SLC12A2: variants seen among roughly 807,000 people sequenced by gnomAD.
SLC12A2 encodes the protein Na-K-2Cl cotransporter 1.
Under a neutral mutation model 136.3 loss-of-function variants are expected in SLC12A2, and 67 were observed. That is an observed-to-expected ratio of 0.49 (90% CI 0.40 to 0.60). The LOEUF is 0.60. Ranked by LOEUF, SLC12A2 falls within the 20% of genes least tolerant of loss-of-function variation. The pLI is 0.00. For synonymous variants in SLC12A2, 619 were observed against 562.9 expected (o/e 1.10, Z -1.41); for missense variants, 1,322 against 1,534.7 (o/e 0.86, Z 2.32).
chr5:128,089,374 G>A (rs146426275), intron 1 of SLC12A2, among the ~76,000 whole-genome samples: 80 of 152,126 alleles, frequency 5.3e-4, no homozygotes, highest in African/African-American at 1.7e-3. Flanking sequence ...GCTTCAGCAT[G>A]GGCAAAACAG....
chr5:128,153,082 G>A (rs1477072276), intron 15 of SLC12A2, among the ~76,000 whole-genome samples: 2 of 152,150 alleles, frequency 1.3e-5, no homozygotes, highest in Non-Finnish European at 2.9e-5. Context: ...AACTGTGTAA[G>A]TATGAGATTC....
At chr5:128,122,115 A>C (rs905909980) in intron 4 of SLC12A2, among the ~76,000 whole-genome samples, 2 of 152,152 alleles carry the variant, frequency 1.3e-5, no homozygotes, top group South Asian at 2.1e-4. Flanking sequence ...TTCCTCAACC[A>C]CTTTTTGCTT....
rs1486124613 is a variant in SLC12A2, at chr5:128,184,471, A to G, written c.3405A>G (p.Thr1135=). The change falls in exon 25 of 27, where the codon ACA becomes ACG. Residue 1135 remains threonine, a synonymous_variant. Coordinates refer to ENST00000262461, the MANE Select transcript of SLC12A2 (RefSeq NM_001046.3). The stretch of plus-strand genomic sequence containing the variant: ...AAGAAGATGAACCATGGCGAATAAC[A>G]GATAATGAGCTTGAACTTTATAAGA... ...KMKEDEPWRI[T]DNELELYKTK... is the part of the protein sequence containing the mutation. 6.2e-7 allele frequency: 1 copy of G among 1,606,442 alleles called. No individual in the cohort carries two copies. Among genetic ancestry groups the G allele is most frequent in the East Asian group, 2.2e-5 (1 of 44,644 alleles).
In SLC12A2 at chr5:128,102,587, C is replaced by G. The variant is rs1219827031; in HGVS notation, c.757-10227C>G. 9.3e-5 allele frequency among the ~76,000 whole-genome samples: 13 copies of G among 139,420 alleles called. 1 individual carries two copies. Among genetic ancestry groups the G allele is most frequent in the Non-Finnish European group, 1.4e-4 (9 of 64,758 alleles). 91.5% of individuals were successfully genotyped at this position (139,420 alleles called of 152,430 possible). A position where few individuals can be genotyped will look rare whatever the true frequency, so the allele number is the denominator to read the frequency against. On this transcript the variant is annotated intron_variant, in intron 1 of 26. Coordinates refer to ENST00000262461, the MANE Select transcript of SLC12A2 (RefSeq NM_001046.3). ...ACTGTGTCTTTCTGTAATTCACCCC[C>G]CCCCCCGCCTTTTTTTTTTTTTTTT...
chr5:128,157,281 C>A (rs1762896570), intron 15 of SLC12A2, among the ~76,000 whole-genome samples: 1 of 152,138 alleles, frequency 6.6e-6, no homozygotes. Flanking sequence ...CATTAAATAT[C>A]AGTGATTTCC....
At chr5:128,085,368 A>G (rs1387044869) in intron 1 of SLC12A2, among the ~76,000 whole-genome samples, 1 of 152,110 alleles carries the variant, frequency 6.6e-6, no homozygotes, top group Admixed American at 6.5e-5. Context: ...GACAGAGGCG[A>G]GTCTTTAAAG....
chr5:128,124,870 G>A (rs943570519), intron 4 of SLC12A2, among the ~76,000 whole-genome samples: 1 of 152,086 alleles, frequency 6.6e-6, no homozygotes, highest in Non-Finnish European at 1.5e-5. Context: ...TGTCCAATCC[G>A]GAAGCTATGT....
Position 128,150,024 on chromosome 5 carries a change from T to C in SLC12A2, c.2033T>C (p.Ile678Thr). ...GAACTGAATGTTATTGCACCAATTA[T>C]CTCAAACTTCTTCCTTGCATCATAT... ...IAELNVIAPI[I>T]SNFFLASYAL... The change falls in exon 13 of 27, where the codon ATC becomes ACC. Residue 678 changes from isoleucine to threonine, a missense_variant. Physicochemically the swap from Ile to Thr is moderately conservative, Grantham distance 89. This residue lies in a region of SLC12A2 where 294 missense variants were observed against 436.6 expected (regional missense o/e 0.67). Transcript: ENST00000262461. 1.2e-6 allele frequency: 2 copies of C among 1,611,010 alleles called. No individual in the cohort carries two copies. Among genetic ancestry groups the C allele is most frequent in the Non-Finnish European group, 1.7e-6 (2 of 1,178,410 alleles).
intron 1 of SLC12A2, among the ~76,000 whole-genome samples, chr5:128,098,693 T>C (rs948684069): frequency 2.6e-5 from 4 of 152,058 alleles, no homozygotes; most frequent in Non-Finnish European, 4.4e-5. Context: ...CTGCAGACTT[T>C]CCACCCCCAT....
intron 17 of SLC12A2, among the ~76,000 whole-genome samples, chr5:128,165,291 C>T (rs1763166369): frequency 1.3e-5 from 2 of 152,124 alleles, no homozygotes; most frequent in Non-Finnish European, 2.9e-5. Flanking sequence ...AAGGCAATAG[C>T]CACCTGATTG....
intron 22 of SLC12A2, among the ~76,000 whole-genome samples, chr5:128,179,174 A>G (rs1763624037): frequency 6.6e-6 from 1 of 152,172 alleles, no homozygotes; most frequent in Non-Finnish European, 1.5e-5. Context: ...TTATAATTAC[A>G]GGTATTGGGG....
At chr5:128,092,171 C>T (rs1282624294) in intron 1 of SLC12A2, among the ~76,000 whole-genome samples, 2 of 152,132 alleles carry the variant, frequency 1.3e-5, no homozygotes, top group African/African-American at 4.8e-5. Context: ...TCCATACATC[C>T]CCATCCAGAC....
intron 25 of SLC12A2, 116 bp downstream of exon 25, chr5:128,184,617 G>A: frequency 7.6e-7 from 1 of 1,319,738 alleles, no homozygotes. Context: ...CTTTAAAATA[G>A]ATTTATTTGA....
At chr5:128,122,292 A>G (rs978075634) in intron 4 of SLC12A2, among the ~76,000 whole-genome samples, 11 of 152,164 alleles carry the variant, frequency 7.2e-5, no homozygotes, top group African/African-American at 2.4e-4. Flanking sequence ...ACTTTAGTCA[A>G]TCAGCTGACA....
chr5:128,110,362 C>A, intron 1 of SLC12A2: 1 of 968,322 alleles, frequency 1.0e-6, no homozygotes, highest in Non-Finnish European at 1.7e-6. Context: ...TCTGTGCAAG[C>A]TAACACGGGT....
intron 10 of SLC12A2, among the ~76,000 whole-genome samples, chr5:128,142,588 T>C (rs1052323364): frequency 6.6e-6 from 1 of 152,124 alleles, no homozygotes; most frequent in Non-Finnish European, 1.5e-5. Context: ...AGTGTACTGT[T>C]TTAGAAAGCA....
At chr5:128,130,000 CTT>C (rs2126695432) in intron 4 of SLC12A2, among the ~76,000 whole-genome samples, 1 of 149,848 alleles carries the variant, frequency 6.7e-6, no homozygotes, top group Non-Finnish European at 1.5e-5. Context: ...AACTACATCT[CTT>C]TGGAATACCA....
chr5:128,104,028 G>C (rs1387515664), intron 1 of SLC12A2, among the ~76,000 whole-genome samples: 2 of 152,130 alleles, frequency 1.3e-5, no homozygotes, highest in Non-Finnish European at 2.9e-5. Flanking sequence ...CAGATCGAAA[G>C]AATTCCTTGG....
At chr5:128,166,793 G>T (rs1301187355) in intron 17 of SLC12A2, among the ~76,000 whole-genome samples, 2 of 151,968 alleles carry the variant, frequency 1.3e-5, no homozygotes, top group East Asian at 3.9e-4. Context: ...CTTAAAAATG[G>T]TTAAAATGAC....
Sources: allele counts gnomAD v4.1 joint callset (sites outside exome capture counted in the v4.1 genomes callset), GRCh38; gene constraint gnomAD v4.1.1; regional missense constraint gnomAD v4.1.1; transcripts MANE v1.5; gene names NCBI Gene and HGNC (gene_info 2026-07-23, HGNC 2026-07-21).